RSF1: variants seen among roughly 807,000 people sequenced by gnomAD.
The protein encoded by RSF1 is remodeling and spacing factor 1, also known as HBV pX-associated protein 8.
RSF1 carries 13 observed loss-of-function variants against 145.2 expected under a neutral mutation model. The observed-to-expected ratio is 0.09, with a 90% CI of 0.06 to 0.14. RSF1 has a LOEUF of 0.14. Ranked by LOEUF, RSF1 falls within the 10% of genes least tolerant of loss-of-function variation. The pLI, the probability that RSF1 is intolerant of heterozygous loss-of-function variation, is 1.00. For synonymous variants in RSF1, 577 were observed against 592.6 expected (o/e 0.97, Z 0.38); for missense variants, 1,517 against 1,718.2 (o/e 0.88, Z 2.07).
At chr11:77,829,640 A>G in the RSF1 span, 1 of 152,234 alleles carries the variant, frequency 6.6e-6, no homozygotes, top group South Asian at 2.1e-4. Flanking sequence ...TGAGACCTGA[A>G]ACTAAAACTC....
At chr11:77,844,610 C>T in the RSF1 span, among the ~76,000 whole-genome samples, 1 of 152,164 alleles carries the variant, frequency 6.6e-6, no homozygotes, top group Admixed American at 6.5e-5. Context: ...AATCCTCCCA[C>T]CTTGGCCTCC....
intron 1 of RSF1, among the ~76,000 whole-genome samples, chr11:77,770,372 T>C (rs903472633): frequency 1.8e-4 from 27 of 152,130 alleles, no homozygotes; most frequent in African/African-American, 6.0e-4. Flanking sequence ...TGAGAATTGC[T>C]TGAACCTGGG....
chr11:77,776,586 T>G (rs1010270325), intron 1 of RSF1, among the ~76,000 whole-genome samples: 1 of 152,194 alleles, frequency 6.6e-6, no homozygotes, highest in Non-Finnish European at 1.5e-5. Context: ...ATGTATATGA[T>G]GTACTTTATA....
Position 77,772,885 on chromosome 11 carries a change from C to T in RSF1, c.188-8196G>A, listed in dbSNP as rs771746334. Among the ~76,000 whole-genome samples the T allele has an allele frequency of 3.6e-5, 5 of 137,796 alleles. No homozygotes were observed. In the East Asian group the frequency reaches 6.2e-4, roughly 17 times the overall value. 90.4% of individuals were successfully genotyped at this position (137,796 alleles called of 152,430 possible). Reference sequence around the variant, plus strand: ...AAAAAAAAAAAAGGGCCAAGAAGAACGTAGACATCTAGCCTTCCATTCCAG... The same window carrying T: ...AAAAAAAAAAAAGGGCCAAGAAGAATGTAGACATCTAGCCTTCCATTCCAG... On this transcript the variant is annotated intron_variant, in intron 1 of 15. Coordinates refer to ENST00000308488, the MANE Select transcript of RSF1 (RefSeq NM_016578.4).
chr11:77,815,124 CTAGTT>C (rs1247350441), intron 1 of RSF1, among the ~76,000 whole-genome samples: 1 of 152,262 alleles, frequency 6.6e-6, no homozygotes, highest in Non-Finnish European at 1.5e-5. Flanking sequence ...GCTGTTCTCT[CTAGTT>C]TAGGCATCAA....
chr11:77,691,532 G>A, intron 8 of RSF1: 1 of 359,864 alleles, frequency 2.8e-6, no homozygotes, highest in Non-Finnish European at 5.1e-6. Context: ...GGTTCAACAT[G>A]TGTATGTAAC....
At position 77,725,211 on chromosome 11, in the gene RSF1, G is replaced by C. The variant is rs369364298; in HGVS notation, c.733+334C>G. On this transcript the variant is annotated intron_variant, in intron 5 of 15. Coordinates refer to ENST00000308488, the MANE Select transcript of RSF1 (RefSeq NM_016578.4). Reference sequence around the variant, plus strand: ...TGTACTTAATGCCACAGAACTGTATGGTTAAAAATGGTTAAAATGGTAAAT... The same window carrying C: ...TGTACTTAATGCCACAGAACTGTATCGTTAAAAATGGTTAAAATGGTAAAT... 9.2e-5 allele frequency among the ~76,000 whole-genome samples: 14 copies of C among 152,126 alleles called. No homozygotes were observed. The South Asian group carries it at 2.7e-3, about 29-fold the overall frequency.
At chr11:77,860,612 G>A in the RSF1 span, among the ~76,000 whole-genome samples, 1 of 152,232 alleles carries the variant, frequency 6.6e-6, no homozygotes, top group African/African-American at 2.4e-5. Context: ...GTGTCCAGGT[G>A]TGAGAACTGG....
At chr11:77,833,011 T>TATATA in the RSF1 span, among the ~76,000 whole-genome samples, 2 of 96,714 alleles carry the variant, frequency 2.1e-5, no homozygotes, top group African/African-American at 7.6e-5. Flanking sequence ...ATATATATAT[T>TATATA]TTTTTTTTTT....
intron 1 of RSF1, among the ~76,000 whole-genome samples, chr11:77,809,160 T>G (rs992253095): frequency 2.0e-5 from 3 of 152,242 alleles, no homozygotes; most frequent in Admixed American, 6.5e-5. Flanking sequence ...CAAGTTACTT[T>G]ACCTTTCTAA....
chr11:77,683,491 G>A (rs1959920437), intron 11 of RSF1, among the ~76,000 whole-genome samples: 1 of 151,408 alleles, frequency 6.6e-6, no homozygotes, highest in Non-Finnish European at 1.5e-5. Context: ...ATCACCAGAG[G>A]TCAGGCATTC....
intron 5 of RSF1, among the ~76,000 whole-genome samples, chr11:77,710,305 C>T (rs1241752888): frequency 1.3e-5 from 2 of 152,046 alleles, no homozygotes; most frequent in Non-Finnish European, 2.9e-5. Context: ...AGTGAAAACA[C>T]TTAAAATCTA....
chr11:77,674,890 T>C (rs553268700), intron 14 of RSF1, 146 bp downstream of exon 14: 3 of 593,912 alleles, frequency 5.1e-6, no homozygotes, highest in African/African-American at 3.7e-5. Context: ...TCCCAGCTAC[T>C]TGGGAGGCTG....
At chr11:77,739,482 T>A (rs1254311093) in intron 4 of RSF1, 1 of 152,190 alleles carries the variant, frequency 6.6e-6, no homozygotes, top group Non-Finnish European at 1.5e-5. Context: ...GCAAATTAAT[T>A]ACAAGGAAAA....
chr11:77,667,023 T>C lies in RSF1; in HGVS notation c.4220A>G (p.Asn1407Ser), dbSNP rs754767335. 26 of 1,613,618 alleles carry C rather than the reference T, an allele frequency of 1.6e-5. No homozygotes were observed. Among genetic ancestry groups the C allele is most frequent in the Non-Finnish European group, 1.8e-5 (21 of 1,179,542 alleles). The change falls in exon 16 of 16, where the codon AAT becomes AGT. Residue 1407 changes from asparagine to serine, a missense_variant. Around this residue, in one of 12 missense-constraint regions of RSF1, gnomAD observed 240 missense variants for 231.8 expected, o/e 1.04. Transcript: ENST00000308488. ...NSTASASLASNGTSGGQEAGA... is the reference protein window; with the variant it reads ...NSTASASLASSGTSGGQEAGA... ...TGCCTCCTGCCCACCACTTGTCCCA[T>C]TGGAGGCTAGGCTTGCACTGGCTGT...
chr11:77,741,134 A>G (rs150940224), intron 3 of RSF1, among the ~76,000 whole-genome samples, 198 bp from the exon 4 acceptor site: 340 of 152,362 alleles, frequency 2.2e-3, no homozygotes, highest in African/African-American at 7.3e-3. Context: ...ATTTTATATT[A>G]ACACCATACC....
chr11:77,764,136 C>T (rs1324105473), intron 2 of RSF1: 2 of 154,292 alleles, frequency 1.3e-5, no homozygotes, highest in Non-Finnish European at 1.4e-5. Flanking sequence ...AAGCAGAGCT[C>T]ACATGGTAAG....
At chr11:77,729,923 A>AAAAAAAAAAAAAAAAAAAAAAAATTT (rs1961160111) in intron 4 of RSF1, among the ~76,000 whole-genome samples, 1 of 144,792 alleles carries the variant, frequency 6.9e-6, no homozygotes, top group Non-Finnish European at 1.5e-5. Flanking sequence ...AAAAAAAAAA[A>AAAAAAAAAAAAAAAAAAAAAAAATTT]TTGTGGAGGC....
intron 1 of RSF1, among the ~76,000 whole-genome samples, chr11:77,787,699 A>G (rs1377647127): frequency 6.6e-6 from 1 of 152,200 alleles, no homozygotes; most frequent in African/African-American, 2.4e-5. Flanking sequence ...TTTCCAATCA[A>G]CTTAATCATA....
Sources: allele counts gnomAD v4.1 joint callset (sites outside exome capture counted in the v4.1 genomes callset), GRCh38; gene constraint gnomAD v4.1.1; regional missense constraint gnomAD v4.1.1; transcripts MANE v1.5; gene names NCBI Gene and HGNC (gene_info 2026-07-23, HGNC 2026-07-21).